The following PIBF1 variants were observed in gnomAD, a reference collection of about 807,000 sequenced individuals.
The protein encoded by PIBF1 is progesterone immunomodulatory binding factor 1, also known as progesterone-induced-blocking factor 1.
In PIBF1, 90 loss-of-function variants were observed where a neutral mutation model predicts 112.5. That is an observed-to-expected ratio of 0.80 (90% CI 0.67 to 0.95). The LOEUF is 0.95. Among genes scored for constraint, PIBF1 ranks in the 40% least tolerant of loss-of-function variants. The pLI is 0.00. For synonymous variants in PIBF1, 301 were observed against 288.6 expected (o/e 1.04, Z -0.44); for missense variants, 915 against 852.3 (o/e 1.07, Z -0.92).
chr13:72,901,070 G>T, intron 11 of PIBF1: 1 of 447,204 alleles, frequency 2.2e-6, no homozygotes, highest in South Asian at 1.6e-5. Flanking sequence ...TAAATAGCTG[G>T]GACCTGATTA....
chr13:72,931,750 A>AT (rs1555317870), intron 14 of PIBF1, among the ~76,000 whole-genome samples: 1 of 144,328 alleles, frequency 6.9e-6, no homozygotes, highest in Non-Finnish European at 1.5e-5. Flanking sequence ...ATATGTATGC[A>AT]TTTTACATAG....
rs188778089 is a variant in PIBF1 at position 72,964,038 on chromosome 13, A to G, written c.1834-1236A>G. Among the ~76,000 whole-genome samples, 8 of 152,334 alleles carry G rather than the reference A, an allele frequency of 5.3e-5. No homozygotes were observed. The East Asian group carries it at 1.3e-3, about 26-fold the overall frequency. On this transcript the variant is annotated intron_variant, in intron 14 of 17. Transcript: ENST00000326291. ...CAAGATATACAGTATTTGTCCACCA[A>G]TGTTCATAGCAGCATTATTCACAAT... is the stretch of plus-strand genomic sequence containing the variant.
intron 3 of PIBF1, 38 bp from the exon 4 acceptor site, chr13:72,795,321 C>G: frequency 2.3e-6 from 3 of 1,318,944 alleles, no homozygotes; most frequent in South Asian, 1.3e-5. Context: ...ATCTCAAATA[C>G]TTTTTTAAAG....
chr13:72,801,023 A>G (rs371815062), intron 5 of PIBF1, among the ~76,000 whole-genome samples: 9 of 152,170 alleles, frequency 5.9e-5, no homozygotes, highest in African/African-American at 2.2e-4. Context: ...AGAACAGCCA[A>G]TGCAAAGGCA....
intron 12 of PIBF1, among the ~76,000 whole-genome samples, chr13:72,915,194 G>A (rs1399498201): frequency 2.0e-5 from 3 of 151,946 alleles, no homozygotes; most frequent in African/African-American, 7.2e-5. Context: ...TAATCCTGTG[G>A]ATTAAAACTT....
At chr13:72,828,939 G>A (rs2036963509) in intron 8 of PIBF1, among the ~76,000 whole-genome samples, 1 of 152,078 alleles carries the variant, frequency 6.6e-6, no homozygotes, top group African/African-American at 2.4e-5. Context: ...ATCCTCTCCA[G>A]CTTGTTGTTT....
At chr13:72,808,956 G>A (rs79395061) in intron 5 of PIBF1, among the ~76,000 whole-genome samples, 3,328 of 152,136 alleles carry the variant, frequency 0.022, 136 homozygotes, top group African/African-American at 0.076. Context: ...TCTGAGTTTT[G>A]AGACCAGCAA....
intron 2 of PIBF1, among the ~76,000 whole-genome samples, chr13:72,789,168 C>A (rs2034762826): frequency 6.6e-6 from 1 of 151,960 alleles, no homozygotes; most frequent in African/African-American, 2.4e-5. Context: ...CTTCTTTATT[C>A]CTTTCCTCTT....
chr13:72,813,417 A>G (rs928265366), intron 5 of PIBF1, among the ~76,000 whole-genome samples: 11 of 152,128 alleles, frequency 7.2e-5, no homozygotes, highest in Admixed American at 2.0e-4. Context: ...TGCATAACAA[A>G]TCACCCTAAA....
intron 10 of PIBF1, among the ~76,000 whole-genome samples, chr13:72,861,615 A>C (rs910062994): frequency 1.3e-5 from 2 of 152,142 alleles, no homozygotes; most frequent in Admixed American, 1.3e-4. Context: ...ACTAGGCCAG[A>C]GTGCAGTGGC....
intron 12 of PIBF1, among the ~76,000 whole-genome samples, chr13:72,909,739 G>A (rs1217360027): frequency 2.6e-5 from 4 of 151,974 alleles, no homozygotes; most frequent in African/African-American, 7.2e-5. Context: ...TGATCTGCCC[G>A]CCTCGACCTC....
chr13:72,940,931 G>A (rs754015604), intron 14 of PIBF1, among the ~76,000 whole-genome samples: 7 of 151,994 alleles, frequency 4.6e-5, no homozygotes, highest in Non-Finnish European at 1.0e-4. Flanking sequence ...TACTTAAGGG[G>A]CACTATCTGT....
chr13:73,013,013 T>G (rs2044250377), intron 17 of PIBF1, among the ~76,000 whole-genome samples: 1 of 149,342 alleles, frequency 6.7e-6, no homozygotes. Flanking sequence ...AATGAAAATA[T>G]TAGAAGGGCC....
At chr13:72,889,183 A>G (rs2039967077) in intron 10 of PIBF1, among the ~76,000 whole-genome samples, 1 of 152,228 alleles carries the variant, frequency 6.6e-6, no homozygotes, top group African/African-American at 2.4e-5. Context: ...AAAATTTATG[A>G]AAATATAAAC....
rs1198372773 is a variant in PIBF1, at chr13:72,956,806, TC to T, written c.1834-8467del. On this transcript the variant is annotated intron_variant, in intron 14 of 17. Transcript: ENST00000326291. ...TCAAGCCCAGTGAGTATAAGAATCA[TC>T]AAAAATTCTAGCTGGAAGAAAAAAA... Among the ~76,000 whole-genome samples, 4 of 152,182 alleles carry T rather than the reference TC, an allele frequency of 2.6e-5. No individual in the cohort carries two copies. The East Asian group carries it at 7.7e-4, about 29-fold the overall frequency.
chr13:72,811,848 A>C (rs1370617769), intron 5 of PIBF1, among the ~76,000 whole-genome samples: 5 of 152,134 alleles, frequency 3.3e-5, no homozygotes, highest in Non-Finnish European at 7.4e-5. Context: ...GCATGAGGGA[A>C]AAAAAATTCA....
At chr13:72,871,991 A>G (rs1318924627) in intron 10 of PIBF1, among the ~76,000 whole-genome samples, 1 of 152,166 alleles carries the variant, frequency 6.6e-6, no homozygotes, top group Admixed American at 6.5e-5. Context: ...AATAGAGGCA[A>G]TATAAGTTAC....
At chr13:72,898,693 A>AT (rs1331209471) in intron 11 of PIBF1, among the ~76,000 whole-genome samples, 2 of 150,626 alleles carry the variant, frequency 1.3e-5, no homozygotes, top group Admixed American at 1.3e-4. Context: ...AAAAAAAAAA[A>AT]AAAAATAAAG....
intron 14 of PIBF1, 40 bp downstream of exon 14, chr13:72,931,307 T>A: frequency 1.7e-6 from 2 of 1,179,844 alleles, no homozygotes; most frequent in African/African-American, 1.5e-5. Flanking sequence ...AATCACAGTA[T>A]TCATTTTAAT....
Sources: allele counts gnomAD v4.1 joint callset (sites outside exome capture counted in the v4.1 genomes callset), GRCh38; gene constraint gnomAD v4.1.1; transcripts MANE v1.5; gene names NCBI Gene and HGNC (gene_info 2026-07-23, HGNC 2026-07-21).